STK39: variants seen among roughly 807,000 people sequenced by gnomAD.
STK39 encodes the protein STE20/SPS1-related proline-alanine-rich protein kinase.
In STK39, 20 loss-of-function variants were observed where a neutral mutation model predicts 77.8. The ratio of observed to expected loss-of-function variants is 0.26; its 90% CI spans 0.18 to 0.37. STK39 has a LOEUF of 0.37. Among genes scored for constraint, STK39 ranks in the 10% least tolerant of loss-of-function variants. The pLI, the probability that STK39 is intolerant of heterozygous loss-of-function variation, is 1.00. For missense variants in STK39, 479 were observed against 656.5 expected, an observed-to-expected ratio of 0.73 and a Z score of 2.95; for synonymous variants, 246 against 234.1, an observed-to-expected ratio of 1.05 and a Z score of -0.47.
At chr2:168,136,587 C>T (rs1687848281) in intron 8 of STK39, among the ~76,000 whole-genome samples, 1 of 152,084 alleles carries the variant, frequency 6.6e-6, no homozygotes, top group Non-Finnish European at 1.5e-5. Context: ...CAATTACTGT[C>T]GTTCAAGAAT....
At chr2:168,132,213 T>C (rs779393941) in intron 8 of STK39, among the ~76,000 whole-genome samples, 2 of 152,298 alleles carry the variant, frequency 1.3e-5, no homozygotes, top group African/African-American at 2.4e-5. Flanking sequence ...ATTTTTTTAA[T>C]GTGAAAAGAA....
intron 16 of STK39, among the ~76,000 whole-genome samples, chr2:168,012,206 C>T (rs1445927010): frequency 2.6e-5 from 4 of 151,118 alleles, no homozygotes; most frequent in Non-Finnish European, 4.4e-5. Context: ...TTTTTTGAGC[C>T]GTAGTTTCAC....
intron 10 of STK39, among the ~76,000 whole-genome samples, chr2:168,109,373 T>C (rs1687063078): frequency 6.6e-6 from 1 of 152,230 alleles, no homozygotes; most frequent in Non-Finnish European, 1.5e-5. Flanking sequence ...TATAGTTTGC[T>C]CTTTTTCACT....
chr2:168,117,599 G>T (rs373939132), intron 10 of STK39, among the ~76,000 whole-genome samples: 4 of 152,288 alleles, frequency 2.6e-5, no homozygotes, highest in Admixed American at 6.5e-5. Context: ...GGTGCTGGGA[G>T]GGTAGTATCA....
At chr2:168,174,832 T>TA (rs397869438) in intron 2 of STK39, among the ~76,000 whole-genome samples, 13,089 of 112,520 alleles carry the variant, frequency 0.12, 1,178 homozygotes, top group East Asian at 0.33. Flanking sequence ...CTTCATCTCT[T>TA]AAAAAAAAAA....
intron 5 of STK39, among the ~76,000 whole-genome samples, chr2:168,151,116 G>A (rs1389498097): frequency 1.4e-5 from 2 of 145,538 alleles, no homozygotes; most frequent in Non-Finnish European, 3.0e-5. Context: ...CTAGGCCCTA[G>A]AGAGTCACTT....
rs115172872 is a variant in STK39, at chr2:168,050,522, G to C, written c.1376+12978C>G. Among the ~76,000 whole-genome samples, 392 of 152,288 alleles carry C rather than the reference G, an allele frequency of 2.6e-3. 5 individuals carry two copies. The highest frequency in any genetic ancestry group is 9.1e-3 in the African/African-American group (377 of 41,564). ...AATCACAAGGGTCCTTAAAAGCAGA[G>C]AAGCCTCCTGGTGGTCAGAGAAAGA... On this transcript the variant is annotated intron_variant, in intron 14 of 17. Coordinates refer to ENST00000355999, the MANE Select transcript of STK39 (RefSeq NM_013233.3).
intron 14 of STK39, among the ~76,000 whole-genome samples, chr2:168,024,228 C>T (rs967576791): frequency 4.6e-5 from 7 of 152,252 alleles, no homozygotes; most frequent in East Asian, 1.9e-4. Context: ...ACGAGGAGGC[C>T]GCCTGGGGCA....
intron 17 of STK39, among the ~76,000 whole-genome samples, chr2:167,959,547 TTC>T (rs1041384686): frequency 1.6e-4 from 24 of 152,248 alleles, no homozygotes; most frequent in African/African-American, 5.5e-4. Flanking sequence ...AAAATGATGT[TTC>T]ATGAAGAAAG....
chr2:168,239,635 T>C (rs755351642), intron 1 of STK39, among the ~76,000 whole-genome samples: 17 of 152,338 alleles, frequency 1.1e-4, no homozygotes, highest in Non-Finnish European at 1.5e-4. Context: ...TCAGGCAATG[T>C]TCCTCCTCCA....
At chr2:168,114,726 G>C (rs1266191234) in intron 10 of STK39, among the ~76,000 whole-genome samples, 1 of 152,144 alleles carries the variant, frequency 6.6e-6, no homozygotes, top group Admixed American at 6.5e-5. Flanking sequence ...TTGAGTGTAG[G>C]CACTGGTCAT....
chr2:167,958,641 C>G (rs1208757334), intron 17 of STK39, among the ~76,000 whole-genome samples: 1 of 152,126 alleles, frequency 6.6e-6, no homozygotes, highest in Non-Finnish European at 1.5e-5. Context: ...AAAAATCCAG[C>G]CTCATACAAA....
intron 5 of STK39, among the ~76,000 whole-genome samples, chr2:168,146,695 G>T (rs1688149337): frequency 6.6e-6 from 1 of 152,156 alleles, no homozygotes; most frequent in Non-Finnish European, 1.5e-5. Context: ...AACAGCTGTT[G>T]TTCCCTCTCT....
At chr2:168,139,954 C>G (rs1297964178) in intron 7 of STK39, among the ~76,000 whole-genome samples, 1 of 152,102 alleles carries the variant, frequency 6.6e-6, no homozygotes, top group Non-Finnish European at 1.5e-5. Flanking sequence ...TCACTATAAT[C>G]TATTTTGAGA....
At chr2:168,077,448 A>T (rs1337796197) in intron 10 of STK39, among the ~76,000 whole-genome samples, 2 of 152,126 alleles carry the variant, frequency 1.3e-5, no homozygotes, top group African/African-American at 4.8e-5. Context: ...ATTTGCTGGA[A>T]GAGAGAAAGA....
Position 168,247,562 on chromosome 2 carries a change from G to GCCGCCGCCGCCA in STK39, c.-128_-127insTGGCGGCGGCGG. On this transcript the variant is annotated 5_prime_UTR_variant, in exon 1 of 18. It adds an upstream start codon to the 5' untranslated region. Transcript: ENST00000355999. ...CTCCCCGCCCGCCGCCGCCGCCGCC[G>GCCGCCGCCGCCA]TCCCCGCCGAAGCCAGCTAGGAGGG... 2.7e-6 allele frequency: 2 copies of GCCGCCGCCGCCA among 752,678 alleles called. No individual in the cohort carries two copies. Among genetic ancestry groups the GCCGCCGCCGCCA allele is most frequent in the East Asian group, 7.3e-5 (1 of 13,700 alleles). The allele number at this position is 752,678 out of a possible 1,614,324, so 46.6% of individuals were successfully genotyped here. A position where few individuals can be genotyped will look rare whatever the true frequency, so the allele number is the denominator to read the frequency against.
rs181201175 is a variant in STK39 at position 168,057,568 on chromosome 2, G to A, written c.1376+5932C>T. Among the ~76,000 whole-genome samples the A allele has an allele frequency of 3.3e-5, 5 of 151,934 alleles. No homozygotes were observed. In the East Asian group the frequency reaches 5.8e-4, roughly 18 times the overall value. ...CGTGCACACACACACACGCATGCACGCGCACACACACACAGACACTTACAT... is the reference window on the plus strand; with the variant it reads ...CGTGCACACACACACACGCATGCACACGCACACACACACAGACACTTACAT... On this transcript the variant is annotated intron_variant, in intron 14 of 17. Transcript: ENST00000355999.
chr2:168,038,423 A>T (rs1685013504), intron 14 of STK39, among the ~76,000 whole-genome samples: 1 of 148,808 alleles, frequency 6.7e-6, no homozygotes, highest in Non-Finnish European at 1.5e-5. Context: ...ATATCCATAG[A>T]CCTAAATGTA....
intron 14 of STK39, among the ~76,000 whole-genome samples, chr2:168,022,198 TA>T (rs1306246666): frequency 6.6e-6 from 1 of 152,242 alleles, no homozygotes; most frequent in Non-Finnish European, 1.5e-5. Flanking sequence ...TTCACTATTG[TA>T]AACAGTGCTT....
Sources: allele counts gnomAD v4.1 joint callset (sites outside exome capture counted in the v4.1 genomes callset), GRCh38; gene constraint gnomAD v4.1.1; transcripts MANE v1.5; gene names NCBI Gene and HGNC (gene_info 2026-07-23, HGNC 2026-07-21).